NOVA1: variants seen among roughly 807,000 people sequenced by gnomAD.
NOVA1 encodes the protein RNA-binding protein Nova-1.
Under a neutral mutation model 38.0 loss-of-function variants are expected in NOVA1, and 7 were observed. The ratio of observed to expected loss-of-function variants is 0.18; its 90% CI spans 0.10 to 0.35. NOVA1 has a LOEUF of 0.35. Among genes scored for constraint, NOVA1 ranks in the 10% least tolerant of loss-of-function variants. NOVA1 has a pLI of 1.00. For synonymous variants in NOVA1, 270 were observed against 232.5 expected (o/e 1.16, Z -1.47); for missense variants, 460 against 616.0 (o/e 0.75, Z 2.68).
intron 2 of NOVA1, among the ~76,000 whole-genome samples, chr14:26,483,834 G>A (rs1465863940): frequency 6.6e-6 from 1 of 152,102 alleles, no homozygotes; most frequent in Non-Finnish European, 1.5e-5. Context: ...CTTAAAATAT[G>A]TTATGACTAA....
At chr14:26,560,863 A>G (rs1891777033) in intron 2 of NOVA1, among the ~76,000 whole-genome samples, 1 of 152,204 alleles carries the variant, frequency 6.6e-6, no homozygotes, top group African/African-American at 2.4e-5. Flanking sequence ...TAAATTTCAT[A>G]TAACTATTAT....
chr14:26,593,356 G>A lies in NOVA1; in HGVS notation c.280+2054C>T, dbSNP rs922696827. ...GAAGAGAAAGACTATTAAAATTAAT[G>A]TCTATCTGAAGCAAAGAGATTATCT... On this transcript the variant is annotated intron_variant, in intron 2 of 4. Coordinates refer to ENST00000539517, the MANE Select transcript of NOVA1 (RefSeq NM_002515.3). 8.6e-5 allele frequency: 13 copies of A among 151,838 alleles called. 1 individual carries two copies. Among genetic ancestry groups the A allele is most frequent in the Admixed American group, 7.2e-4 (11 of 15,248 alleles). The allele number at this position is 151,838 out of a possible 1,614,324, so 9.4% of individuals were successfully genotyped here.
chr14:26,498,006 A>C (rs537580534), intron 2 of NOVA1, among the ~76,000 whole-genome samples: 4 of 152,310 alleles, frequency 2.6e-5, no homozygotes, highest in Non-Finnish European at 4.4e-5. Context: ...TGACTTTTTA[A>C]TGTAGAAATT....
intron 2 of NOVA1, among the ~76,000 whole-genome samples, chr14:26,518,588 T>C (rs1888648087): frequency 6.6e-6 from 1 of 152,066 alleles, no homozygotes; most frequent in African/African-American, 2.4e-5. Flanking sequence ...ATATACACAC[T>C]ATATAAAAAC....
chr14:26,482,394 C>G (rs1015235976), intron 2 of NOVA1, among the ~76,000 whole-genome samples: 1 of 152,016 alleles, frequency 6.6e-6, no homozygotes, highest in Admixed American at 6.6e-5. Context: ...AACTTATGGC[C>G]TTTTCACTCA....
At chr14:26,468,546 T>C (rs917268154) in intron 4 of NOVA1, among the ~76,000 whole-genome samples, 1 of 152,154 alleles carries the variant, frequency 6.6e-6, no homozygotes, top group African/African-American at 2.4e-5. Context: ...TTGTGGTAAT[T>C]TGTTATACAG....
intron 2 of NOVA1, among the ~76,000 whole-genome samples, chr14:26,506,760 A>G (rs1314691042): frequency 6.6e-6 from 1 of 151,972 alleles, no homozygotes; most frequent in African/African-American, 2.4e-5. Flanking sequence ...TTGTATTTTT[A>G]GTAGAGACGG....
intron 2 of NOVA1, among the ~76,000 whole-genome samples, chr14:26,565,255 A>G (rs1793326450): frequency 6.6e-6 from 1 of 152,136 alleles, no homozygotes; most frequent in African/African-American, 2.4e-5. Flanking sequence ...TTTGAAATAC[A>G]GGTAGGTATT....
intron 2 of NOVA1, among the ~76,000 whole-genome samples, chr14:26,578,432 T>C (rs772997628): frequency 6.6e-6 from 1 of 151,974 alleles, no homozygotes; most frequent in Non-Finnish European, 1.5e-5. Context: ...AACTTGATAC[T>C]GCAGGAAAGT....
At chr14:26,479,301 C>T (rs1033491140) in intron 3 of NOVA1, 5 of 151,944 alleles carry the variant, frequency 3.3e-5, no homozygotes, top group Non-Finnish European at 7.4e-5. Context: ...GAAATAATGT[C>T]ATTTTCCCCC....
intron 2 of NOVA1, among the ~76,000 whole-genome samples, chr14:26,529,289 C>G (rs1311128050): frequency 2.0e-5 from 3 of 152,116 alleles, no homozygotes; most frequent in Admixed American, 2.0e-4. Flanking sequence ...AAGCGCCCAC[C>G]ACCATGCCCA....
intron 3 of NOVA1, among the ~76,000 whole-genome samples, chr14:26,473,611 G>C (rs1255839658): frequency 6.6e-6 from 1 of 151,766 alleles, no homozygotes; most frequent in African/African-American, 2.4e-5. Flanking sequence ...AAGCCATTAA[G>C]AGTTAAAAAT....
rs116959941 is a variant in NOVA1 at position 26,578,412 on chromosome 14, G to A, written c.280+16998C>T. On this transcript the variant is annotated intron_variant, in intron 2 of 4. Coordinates refer to ENST00000539517, the MANE Select transcript of NOVA1 (RefSeq NM_002515.3). ...TATTTGTAGGTAAAAATAATTTCCA[G>A]TAGGGCAAGAACTTGATACTGCAGG... Among the ~76,000 whole-genome samples the A allele has an allele frequency of 1.2e-3, 175 of 152,026 alleles. 1 individual carries two copies. In the East Asian group the frequency reaches 0.013, roughly 11 times the overall value.
At chr14:26,580,920 T>C (rs930956570) in intron 2 of NOVA1, among the ~76,000 whole-genome samples, 3 of 152,168 alleles carry the variant, frequency 2.0e-5, no homozygotes, top group African/African-American at 7.2e-5. Context: ...AAATTTAGTA[T>C]TATTAAATGA....
At chr14:26,508,555 T>TACACACAC (rs34063277) in intron 2 of NOVA1, among the ~76,000 whole-genome samples, 22 of 149,054 alleles carry the variant, frequency 1.5e-4, no homozygotes, top group South Asian at 2.1e-4. Flanking sequence ...CACATGTACA[T>TACACACAC]ACACACACAC....
rs1245621493 is a variant in NOVA1, at chr14:26,521,388, C to T, written c.281-41245G>A. 3.9e-5 allele frequency among the ~76,000 whole-genome samples: 6 copies of T among 151,962 alleles called. No homozygotes were observed. In the South Asian group the frequency reaches 6.2e-4, roughly 16 times the overall value. ...CATGCAGTTTTAAAAAATTTTAGAT[C>T]GTTTAATTGCTATTACAAAACAGAA... On this transcript the variant is annotated intron_variant, in intron 2 of 4. Coordinates refer to ENST00000539517, the MANE Select transcript of NOVA1 (RefSeq NM_002515.3).
intron 2 of NOVA1, among the ~76,000 whole-genome samples, chr14:26,558,018 T>TA (rs938425422): frequency 3.3e-5 from 5 of 149,840 alleles, no homozygotes; most frequent in African/African-American, 1.2e-4. Flanking sequence ...AAGGTCAATC[T>TA]AAAAAGGCTG....
intron 4 of NOVA1, among the ~76,000 whole-genome samples, chr14:26,458,313 A>T (rs1883348289): frequency 6.6e-6 from 1 of 152,148 alleles, no homozygotes; most frequent in Non-Finnish European, 1.5e-5. Context: ...TGACCCAGCA[A>T]TCTCACCACT....
At chr14:26,482,154 G>A (rs1885523502) in intron 2 of NOVA1, among the ~76,000 whole-genome samples, 1 of 152,064 alleles carries the variant, frequency 6.6e-6, no homozygotes, top group Non-Finnish European at 1.5e-5. Context: ...AAATTACTGA[G>A]CCATAAAGAA....
Sources: allele counts gnomAD v4.1 joint callset (sites outside exome capture counted in the v4.1 genomes callset), GRCh38; gene constraint gnomAD v4.1.1; transcripts MANE v1.5; gene names NCBI Gene and HGNC (gene_info 2026-07-23, HGNC 2026-07-21).